Variants in DHX34 observed in about 807,000 individuals in gnomAD.
DHX34 encodes DExH-box helicase 34, also known as probable ATP-dependent RNA helicase DHX34.
In DHX34, 96 loss-of-function variants were observed where a neutral mutation model predicts 111.1. The ratio of observed to expected loss-of-function variants is 0.86; its 90% CI spans 0.73 to 1.02. The LOEUF is 1.02. Ranked by LOEUF, DHX34 falls within the 50% of genes least tolerant of loss-of-function variation. The pLI is 0.00. For missense variants in DHX34, 1,560 were observed against 1,579.9 expected (o/e 0.99, Z 0.21); for synonymous variants, 688 against 670.4 (o/e 1.03, Z -0.41).
In DHX34 at chr19:47,375,660, C is replaced by T. The variant is rs1246998014; in HGVS notation, c.2259C>T (p.Asp753=). The T allele has an allele frequency of 5.8e-6, 9 of 1,556,484 alleles. No homozygotes were observed. The highest frequency in any genetic ancestry group is 4.0e-5 in the Admixed American group (2 of 50,572). The change falls in exon 10 of 17, where the codon GAC becomes GAT. Residue 753 remains aspartate, a synonymous_variant. Transcript: ENST00000328771. ...EEQDGGSSDE[D]RAGPAPPGAS... Reference sequence around the variant, plus strand: ...AGGACGGCGGCTCCAGTGACGAGGACAGGGCTGGCCCAGCCCCCCCAGGGG... The same window carrying T: ...AGGACGGCGGCTCCAGTGACGAGGATAGGGCTGGCCCAGCCCCCCCAGGGG...
chr19:47,361,760 G>A (rs1969638708), intron 5 of DHX34, among the ~76,000 whole-genome samples: 1 of 151,962 alleles, frequency 6.6e-6, no homozygotes, highest in South Asian at 2.1e-4. Context: ...CAATAAGAGT[G>A]AAACTCCATC....
rs781725270 is a variant in DHX34 at position 47,377,134 on chromosome 19, C to T, written c.2634C>T (p.Leu878=). Residue 878 remains leucine (L), a synonymous_variant, in exon 13 of 17, where the codon CTC becomes CTT. Transcript: ENST00000328771. ...ACAAGATGAGCAGCAAACACCAGCT[C>T]CTCAGCTTCGTGTCCCTGCTGGAGA... ...DKDKMSSKHQ[L]LSFVSLLETN... 22 of 1,613,948 alleles carry T rather than the reference C, an allele frequency of 1.4e-5. No homozygotes were observed. The highest frequency in any genetic ancestry group is 1.4e-5 in the Non-Finnish European group (16 of 1,180,000).
intron 6 of DHX34, among the ~76,000 whole-genome samples, chr19:47,364,770 T>C (rs533812096): frequency 2.4e-4 from 37 of 152,106 alleles, no homozygotes; most frequent in African/African-American, 8.9e-4. Context: ...GTAGGTAGTC[T>C]TACCCTAATT....
intron 13 of DHX34, among the ~76,000 whole-genome samples, chr19:47,379,172 A>G (rs1428982370): frequency 6.6e-6 from 1 of 151,818 alleles, no homozygotes; most frequent in Non-Finnish European, 1.5e-5. Flanking sequence ...GAAGAAGAAG[A>G]TGGAGAAACT....
Position 47,353,042 on chromosome 19 carries a change from T to C in DHX34, c.12T>C (p.Pro4=). 1.9e-6 allele frequency: 3 copies of C among 1,611,446 alleles called. No homozygotes were observed. The Admixed American group carries it at 5.0e-5, about 27-fold the overall frequency. Residue 4 remains proline (P), a synonymous_variant, in exon 2 of 17, where the codon CCT becomes CCC. Transcript: ENST00000328771. This position sits in a 1 kb window ranked among gnomAD's most constrained non-coding sequence, Gnocchi z 4.6. ...TGTGGATTAGTAACATGCCTCCTCC[T>C]AGAACAAGGGAGGGCAGGGATCGCC... MPP[P]RTREGRDRRD... is the part of the protein sequence containing the mutation.
At chr19:47,365,399 G>A (rs1969760823) in intron 6 of DHX34, among the ~76,000 whole-genome samples, 1 of 151,952 alleles carries the variant, frequency 6.6e-6, no homozygotes, top group Non-Finnish European at 1.5e-5. Context: ...CCACAGATGG[G>A]TGCCACCAGG....
intron 16 of DHX34, 96 bp downstream of exon 16, chr19:47,381,420 G>C (rs1401743590): frequency 2.3e-5 from 34 of 1,492,396 alleles, no homozygotes; most frequent in Non-Finnish European, 2.9e-5. Context: ...CTAGAGCTTC[G>C]AGGACTGACG....
At chr19:47,358,776 G>A (rs1343798200) in intron 4 of DHX34, among the ~76,000 whole-genome samples, 1 of 152,008 alleles carries the variant, frequency 6.6e-6, no homozygotes, top group South Asian at 2.1e-4. Context: ...CACCACGTCC[G>A]GCTAATCTTT....
chr19:47,369,917 C>T (rs1969914413), intron 7 of DHX34, among the ~76,000 whole-genome samples: 1 of 152,136 alleles, frequency 6.6e-6, no homozygotes, highest in South Asian at 2.1e-4. Flanking sequence ...GTTCCCAGCC[C>T]TCCTGATCTC....
At chr19:47,378,877 C>T (rs1970256283) in intron 13 of DHX34, among the ~76,000 whole-genome samples, 1 of 151,876 alleles carries the variant, frequency 6.6e-6, no homozygotes, top group South Asian at 2.1e-4. Context: ...CGCCTATAAT[C>T]CCGGCACTTT....
At chr19:47,378,473 C>G (rs550453491) in intron 13 of DHX34, among the ~76,000 whole-genome samples, 2 of 152,112 alleles carry the variant, frequency 1.3e-5, no homozygotes, top group Non-Finnish European at 2.9e-5. Flanking sequence ...AGAGGATTGG[C>G]GACCAGCCGG....
Position 47,353,564 on chromosome 19 carries a change from C to T in DHX34, c.534C>T (p.His178=). The part of the protein sequence containing the change: ...GNRILQTLKE[H]QVVVVAGDTG... ...GCATCCTGCAGACGCTGAAGGAGCA[C>T]CAGGTGGTGGTAGTGGCCGGTGACA... Residue 178 remains histidine (H), a synonymous_variant, in exon 2 of 17, where the codon CAC becomes CAT. Transcript: ENST00000328771. The surrounding 1 kb of genome is among the most constrained non-coding windows in gnomAD (Gnocchi z 4.6). 4 of 1,613,382 alleles carry T rather than the reference C, an allele frequency of 2.5e-6. No homozygotes were observed. The highest frequency in any genetic ancestry group is 3.4e-6 in the Non-Finnish European group (4 of 1,180,034).
chr19:47,373,947 C>T (rs1970052103), intron 9 of DHX34, among the ~76,000 whole-genome samples: 1 of 152,128 alleles, frequency 6.6e-6, no homozygotes, highest in African/African-American at 2.4e-5. Flanking sequence ...GAAGAGCTCG[C>T]CCTCCGGACT....
chr19:47,375,432 C>T (rs1415594111), intron 9 of DHX34, 34 bp from the exon 10 acceptor site: 2 of 1,553,330 alleles, frequency 1.3e-6, no homozygotes, highest in Non-Finnish European at 1.7e-6. Flanking sequence ...CTGAGTCTGC[C>T]CTGAGGCCCT....
Position 47,380,918 on chromosome 19 carries a change from AGC to A in DHX34, c.3086_3087del (p.Ser1029IlefsTer16). ...ATPHLPGLFG[S>X]STLSPHPTKG... ...CCCCCATCTTCCTGGCCTCTTTGGC[AGC>A]TCCACCCTGTCCCCCCACCCCACAA... On this transcript the variant is annotated frameshift_variant, in exon 15 of 17. Coordinates refer to ENST00000328771, the MANE Select transcript of DHX34 (RefSeq NM_014681.6). LOFTEE classifies it high-confidence loss of function. 6.2e-7 allele frequency: 1 copy of A among 1,607,402 alleles called. No homozygotes were observed. Among genetic ancestry groups the A allele is most frequent in the Non-Finnish European group, 8.5e-7 (1 of 1,177,308 alleles).
At chr19:47,377,315 C>T (rs558350561) in intron 13 of DHX34, 109 bp downstream of exon 13, 153 of 1,191,276 alleles carry the variant, frequency 1.3e-4, no homozygotes, top group Non-Finnish European at 1.7e-4. Flanking sequence ...GGCACCTGGG[C>T]TGGCCGCAGG....
At chr19:47,374,681 C>T (rs1970077987) in intron 9 of DHX34, among the ~76,000 whole-genome samples, 1 of 152,154 alleles carries the variant, frequency 6.6e-6, no homozygotes, top group South Asian at 2.1e-4. Flanking sequence ...GGTACCATTT[C>T]TGGGGTCCCG....
At chr19:47,377,335 TG>T (rs1970201232) in intron 13 of DHX34, 129 bp downstream of exon 13, 1 of 948,288 alleles carries the variant, frequency 1.1e-6, no homozygotes, top group Non-Finnish European at 1.5e-6. Context: ...GCGTCAGCCT[TG>T]GGCCGTTGCT....
In DHX34 at chr19:47,382,270, C is replaced by A; in HGVS notation, c.*157C>A. On this transcript the variant is annotated 3_prime_UTR_variant, in exon 17 of 17. Coordinates refer to ENST00000328771, the MANE Select transcript of DHX34 (RefSeq NM_014681.6). Reference sequence around the variant, plus strand: ...AGCACGGATTGTGAATAAAGCCTCACATGCTGATACACACTGTTAGGCCTG... The same window carrying A: ...AGCACGGATTGTGAATAAAGCCTCAAATGCTGATACACACTGTTAGGCCTG... The A allele has an allele frequency of 1.5e-6, 2 of 1,308,508 alleles. No individual in the cohort carries two copies. The highest frequency in any genetic ancestry group is 2.0e-6 in the Non-Finnish European group (2 of 983,810). The allele number at this position is 1,308,508 out of a possible 1,614,324, so 81.1% of individuals were successfully genotyped here.
Sources: allele counts gnomAD v4.1 joint callset (sites outside exome capture counted in the v4.1 genomes callset), GRCh38; gene constraint gnomAD v4.1.1; non-coding constraint Gnocchi (gnomAD v3.1); transcripts MANE v1.5; gene names NCBI Gene and HGNC (gene_info 2026-07-23, HGNC 2026-07-21).